NCAM2: variants seen among roughly 807,000 people sequenced by gnomAD.
NCAM2 encodes neural cell adhesion molecule 2.
NCAM2 carries 30 observed loss-of-function variants against 98.1 expected under a neutral mutation model. The observed-to-expected ratio is 0.31, with a 90% CI of 0.23 to 0.41. The LOEUF is 0.41. Ranked by LOEUF, NCAM2 falls within the 10% of genes least tolerant of loss-of-function variation. NCAM2 has a pLI of 1.00. For synonymous variants in NCAM2, 368 were observed against 342.4 expected, an observed-to-expected ratio of 1.07 and a Z score of -0.83; for missense variants, 867 against 1,005.8, an observed-to-expected ratio of 0.86 and a Z score of 1.87.
At chr21:21,117,033 A>G (rs1330242132) in intron 1 of NCAM2, among the ~76,000 whole-genome samples, 5 of 152,194 alleles carry the variant, frequency 3.3e-5, no homozygotes, top group South Asian at 2.1e-4. Flanking sequence ...AAAAAGGATT[A>G]TGTATATTCA....
intron 1 of NCAM2, among the ~76,000 whole-genome samples, chr21:21,224,382 G>A (rs973371675): frequency 6.6e-6 from 1 of 152,034 alleles, no homozygotes; most frequent in Non-Finnish European, 1.5e-5. Context: ...AGATAACCCA[G>A]GTAGAATATA....
intron 12 of NCAM2, among the ~76,000 whole-genome samples, chr21:21,436,784 G>A (rs1043351031): frequency 3.2e-4 from 46 of 144,494 alleles, no homozygotes; most frequent in African/African-American, 1.2e-3. Context: ...TTTTTTTTGA[G>A]ACAGAATCTT....
At chr21:21,404,811 C>T (rs569842841) in intron 9 of NCAM2, among the ~76,000 whole-genome samples, 8 of 151,532 alleles carry the variant, frequency 5.3e-5, no homozygotes, top group East Asian at 3.9e-4. Context: ...TATATATTCA[C>T]TCATATATAC....
chr21:21,158,556 G>A (rs549612392), intron 1 of NCAM2, among the ~76,000 whole-genome samples: 1 of 151,038 alleles, frequency 6.6e-6, no homozygotes, highest in African/African-American at 2.4e-5. Flanking sequence ...AGTAGGCTGA[G>A]ATCGCACCAC....
intron 12 of NCAM2, among the ~76,000 whole-genome samples, chr21:21,452,853 T>C (rs1482920072): frequency 3.8e-5 from 4 of 103,986 alleles, no homozygotes; most frequent in South Asian, 5.6e-4. Flanking sequence ...TATTGCATTA[T>C]ATATGAATAA....
intron 1 of NCAM2, among the ~76,000 whole-genome samples, chr21:21,253,013 G>GT (rs1337061618): frequency 4.6e-5 from 7 of 152,126 alleles, no homozygotes; most frequent in Non-Finnish European, 8.8e-5. Flanking sequence ...CATTCCATGT[G>GT]TTTTTTATTT....
Position 21,417,398 on chromosome 21 carries a change from A to G in NCAM2, c.1384-1075A>G, listed in dbSNP as rs2077016224. Reference sequence around the variant, plus strand: ...TCTGTTTCTAGATGGACAGCTGACTAGAAAACGAATGACACAGCTTTTCTG... The same window carrying G: ...TCTGTTTCTAGATGGACAGCTGACTGGAAAACGAATGACACAGCTTTTCTG... On this transcript the variant is annotated intron_variant, in intron 10 of 17. Transcript: ENST00000400546. Among the ~76,000 whole-genome samples, 3 of 152,178 alleles carry G rather than the reference A, an allele frequency of 2.0e-5. No individual in the cohort carries two copies. The South Asian group carries it at 6.2e-4, about 32-fold the overall frequency.
intron 1 of NCAM2, among the ~76,000 whole-genome samples, chr21:21,075,221 A>G (rs1320614896): frequency 1.3e-5 from 2 of 152,178 alleles, no homozygotes; most frequent in African/African-American, 4.8e-5. Context: ...TAACATCAGG[A>G]GAAATACCTG....
chr21:21,121,913 G>A (rs936811533), intron 1 of NCAM2, among the ~76,000 whole-genome samples: 3 of 152,212 alleles, frequency 2.0e-5, no homozygotes, highest in Admixed American at 1.3e-4. Context: ...ACAGGGTAAA[G>A]TGAAAAGGAC....
chr21:21,222,029 T>C (rs2070189958), intron 1 of NCAM2, among the ~76,000 whole-genome samples: 1 of 152,160 alleles, frequency 6.6e-6, no homozygotes, highest in African/African-American at 2.4e-5. Context: ...CCTTAAGAAT[T>C]ATGCTAAATC....
chr21:21,332,121 TC>T (rs2074728550), intron 6 of NCAM2, among the ~76,000 whole-genome samples: 1 of 152,002 alleles, frequency 6.6e-6, no homozygotes, highest in Non-Finnish European at 1.5e-5. Context: ...GCCAGGCTGA[TC>T]TGTAACTCCT....
At position 21,410,476 on chromosome 21, in the gene NCAM2, A is replaced by C. The variant is rs768335702; in HGVS notation, c.1383+15A>C. 1 of 1,386,030 alleles carries C rather than the reference A, an allele frequency of 7.2e-7. No homozygotes were observed. Among genetic ancestry groups the C allele is most frequent in the Non-Finnish European group, 9.7e-7 (1 of 1,033,912 alleles). The allele number at this position is 1,386,030 out of a possible 1,614,324, so 85.9% of individuals were successfully genotyped here. ...TGATATTAGAGGTAAGTCCACATGTATACATCAATAAATTGTATTATTTTA... is the reference window on the plus strand; with the variant it reads ...TGATATTAGAGGTAAGTCCACATGTCTACATCAATAAATTGTATTATTTTA... On this transcript the variant is annotated intron_variant, in intron 10 of 17. Transcript: ENST00000400546.
chr21:21,039,894 GTTA>G (rs1483253195), intron 1 of NCAM2, among the ~76,000 whole-genome samples: 5 of 152,128 alleles, frequency 3.3e-5, no homozygotes, highest in African/African-American at 1.2e-4. Flanking sequence ...ATTAACTAGA[GTTA>G]TTATATTTCA....
chr21:21,345,538 TAGTC>T lies in NCAM2; in HGVS notation c.1044+7007_1044+7010del, dbSNP rs886793766. On this transcript the variant is annotated intron_variant, in intron 8 of 17. Transcript: ENST00000400546. ...AGCAGAATTGTTCAAGCAGAAGAAA[TAGTC>T]AGCTTGAAGACAAGCTACTTGAAAA... 7.9e-5 allele frequency among the ~76,000 whole-genome samples: 12 copies of T among 151,692 alleles called. No homozygotes were observed. The South Asian group carries it at 8.3e-4, about 11-fold the overall frequency.
intron 8 of NCAM2, among the ~76,000 whole-genome samples, chr21:21,367,318 T>G (rs1281053016): frequency 6.6e-6 from 1 of 151,996 alleles, no homozygotes; most frequent in East Asian, 1.9e-4. Context: ...TGGGCTTTTA[T>G]ATTCACCATC....
At chr21:21,162,369 A>C (rs1386246129) in intron 1 of NCAM2, among the ~76,000 whole-genome samples, 1 of 152,162 alleles carries the variant, frequency 6.6e-6, no homozygotes, top group Non-Finnish European at 1.5e-5. Context: ...AAAATGGGTC[A>C]TGAGTTTGAA....
At chr21:21,373,809 C>T (rs536742196) in intron 8 of NCAM2, 54 bp from the exon 9 acceptor site, 3 of 1,439,184 alleles carry the variant, frequency 2.1e-6, no homozygotes, top group South Asian at 3.0e-5. Context: ...GTTTGGTCAC[C>T]ATTTTGCACA....
At chr21:21,319,425 G>A (rs374902744) in intron 5 of NCAM2, among the ~76,000 whole-genome samples, 3 of 152,078 alleles carry the variant, frequency 2.0e-5, no homozygotes. Flanking sequence ...GGTGGATCAC[G>A]AGGTCAAGAG....
intron 2 of NCAM2, among the ~76,000 whole-genome samples, chr21:21,283,628 G>A (rs1471997123): frequency 6.6e-6 from 1 of 151,804 alleles, no homozygotes; most frequent in African/African-American, 2.4e-5. Context: ...TATAAAAACG[G>A]TCGTTGGCCT....
Sources: allele counts gnomAD v4.1 joint callset (sites outside exome capture counted in the v4.1 genomes callset), GRCh38; gene constraint gnomAD v4.1.1; transcripts MANE v1.5; gene names NCBI Gene and HGNC (gene_info 2026-07-23, HGNC 2026-07-21).